DNAH9: variants seen among roughly 807,000 people sequenced by gnomAD.
DNAH9 encodes dynein axonemal heavy chain 9, also known as DNAH9 variant protein.
Under a neutral mutation model 471.6 loss-of-function variants are expected in DNAH9, and 345 were observed. The observed-to-expected ratio is 0.73, with a 90% CI of 0.67 to 0.80. The LOEUF (loss-of-function observed/expected upper bound fraction) is 0.80. Among genes scored for constraint, DNAH9 ranks in the 30% least tolerant of loss-of-function variants. The probability of loss-of-function intolerance (pLI) is 0.00; values close to 1 mark genes in which losing one functional copy is unlikely to be tolerated. For synonymous variants in DNAH9, 2,093 were observed against 2,123.6 expected (o/e 0.99, Z 0.40); for missense variants, 5,407 against 5,609.2 (o/e 0.96, Z 1.15).
chr17:11,813,206 C>T (rs1385348224), intron 45 of DNAH9, among the ~76,000 whole-genome samples: 1 of 151,668 alleles, frequency 6.6e-6, no homozygotes, highest in African/African-American at 2.4e-5. Context: ...GAGTTTTAGG[C>T]CCCATTTTAA....
At chr17:11,723,874 T>C (rs1008376484) in intron 27 of DNAH9, among the ~76,000 whole-genome samples, 2 of 152,104 alleles carry the variant, frequency 1.3e-5, no homozygotes, top group South Asian at 2.1e-4. Context: ...GGTGTCTCAC[T>C]GTGTTAGCCA....
intron 54 of DNAH9, among the ~76,000 whole-genome samples, chr17:11,880,539 C>G (rs1972679262): frequency 6.6e-6 from 1 of 152,164 alleles, no homozygotes; most frequent in African/African-American, 2.4e-5. Context: ...AGCCAGTCAT[C>G]TGAATTCTGA....
intron 49 of DNAH9, among the ~76,000 whole-genome samples, chr17:11,840,274 T>C (rs1183719752): frequency 6.6e-6 from 1 of 152,186 alleles, no homozygotes; most frequent in Non-Finnish European, 1.5e-5. Context: ...AGAAATACAC[T>C]GTATGGTCTC....
rs568881460 is a variant in DNAH9, at chr17:11,843,973, T to A, written c.9507+9075T>A. 7.5e-4 allele frequency among the ~76,000 whole-genome samples: 111 copies of A among 148,480 alleles called. 1 individual carries two copies. Among genetic ancestry groups the A allele is most frequent in the African/African-American group, 2.5e-3 (103 of 40,624 alleles). On this transcript the variant is annotated intron_variant, in intron 49 of 68. Transcript: ENST00000262442. ...TCACACCAGGACATAATGTTTTATC[T>A]CTGGTTAGTAAAATTATGAATCTTG...
At chr17:11,768,188 A>G (rs574476804) in intron 36 of DNAH9, among the ~76,000 whole-genome samples, 1 of 152,224 alleles carries the variant, frequency 6.6e-6, no homozygotes, top group South Asian at 2.1e-4. Context: ...TCCACCCTTC[A>G]GTGGCTGTAA....
intron 43 of DNAH9, among the ~76,000 whole-genome samples, chr17:11,798,067 A>G (rs1299723713): frequency 6.6e-6 from 1 of 152,088 alleles, no homozygotes. Context: ...AACAGACTTG[A>G]GATCATAAAA....
At position 11,738,964 on chromosome 17, in the gene DNAH9, G is replaced by T; in HGVS notation, c.5899G>T (p.Gly1967Cys). 6.2e-7 allele frequency: 1 copy of T among 1,614,040 alleles called. No individual in the cohort carries two copies. Among genetic ancestry groups the T allele is most frequent in the Non-Finnish European group, 8.5e-7 (1 of 1,179,920 alleles). Residue 1967 changes from glycine to cysteine, a missense_variant, in exon 29 of 69, where the codon GGT becomes TGT. Physicochemically the swap from Gly to Cys is radical, Grantham distance 159 (BLOSUM62 -3). Around this residue, in one of 3 missense-constraint regions of DNAH9, gnomAD observed 4,636 missense variants for 4,900.3 expected, o/e 0.95. Coordinates refer to ENST00000262442, the MANE Select transcript of DNAH9 (RefSeq NM_001372.4). ...GGAGATCAGCCTGAATCCTTCTGTCGGTATCTTCATCACCATGAACCCAGG... is the reference window on the plus strand; with the variant it reads ...GGAGATCAGCCTGAATCCTTCTGTCTGTATCTTCATCACCATGAACCCAGG... ...GEEISLNPSV[G>C]IFITMNPGYA...
chr17:11,837,354 G>A (rs931835023), intron 49 of DNAH9, among the ~76,000 whole-genome samples: 1 of 152,180 alleles, frequency 6.6e-6, no homozygotes, highest in African/African-American at 2.4e-5. Context: ...GTATAGCTTG[G>A]TGCAAGTCAC....
intron 1 of DNAH9, among the ~76,000 whole-genome samples, chr17:11,601,627 T>C (rs2072389454): frequency 1.3e-5 from 2 of 152,204 alleles, no homozygotes. Flanking sequence ...TGTCCATCCA[T>C]CTACTTTTAT....
rs1474232310 is a variant in DNAH9 at position 11,894,377 on chromosome 17, C to A, written c.11287C>A (p.Leu3763Ile). 1.2e-6 allele frequency: 2 copies of A among 1,613,926 alleles called. No individual in the cohort carries two copies. The highest frequency in any genetic ancestry group is 1.1e-5 in the South Asian group (1 of 91,086). Residue 3763 changes from leucine to isoleucine, a missense_variant, in exon 59 of 69, where the codon CTC becomes ATC. Around this residue, in one of 3 missense-constraint regions of DNAH9, gnomAD observed 4,636 missense variants for 4,900.3 expected, o/e 0.95. Coordinates refer to ENST00000262442, the MANE Select transcript of DNAH9 (RefSeq NM_001372.4). ...TYLAQLTFQI[L>I]LMNREVNAVE... is the part of the protein sequence containing the mutation. ...GTATCATTTCTCCACATTGCAGATTCTCCTCATGAACCGAGAAGTCAATGC... is the reference window on the plus strand; with the variant it reads ...GTATCATTTCTCCACATTGCAGATTATCCTCATGAACCGAGAAGTCAATGC...
chr17:11,625,337 G>A (rs562691649), intron 6 of DNAH9, among the ~76,000 whole-genome samples: 103 of 152,198 alleles, frequency 6.8e-4, no homozygotes, highest in African/African-American at 2.2e-3. Flanking sequence ...TCCACACCGC[G>A]TTTCCTTTTG....
Position 11,693,910 on chromosome 17 carries a change from C to G in DNAH9, c.4657C>G (p.Leu1553Val). 1 of 1,614,062 alleles carries G rather than the reference C, an allele frequency of 6.2e-7. No homozygotes were observed. The highest frequency in any genetic ancestry group is 8.5e-7 in the Non-Finnish European group (1 of 1,179,952). The stretch of plus-strand genomic sequence containing the variant: ...AGGCATCGACATTGACTTTAAAGAG[C>G]TAGCTTATGATGCCCAGAAAATTCC... ...FEGIDIDFKELAYDAQKIPNV... is the reference protein window; with the variant it reads ...FEGIDIDFKEVAYDAQKIPNV... The change falls in exon 21 of 69, where the codon CTA becomes GTA. Residue 1553 changes from leucine (L) to valine (V), a missense_variant. Leu to Val is a conservative substitution (Grantham distance 32). This residue lies in a region of DNAH9 where 4,636 missense variants were observed against 4,900.3 expected (regional missense o/e 0.95). Transcript: ENST00000262442.
chr17:11,704,998 C>T, intron 25 of DNAH9, 27 bp from the exon 26 acceptor site: 1 of 1,608,716 alleles, frequency 6.2e-7, no homozygotes. Context: ...TATGATTCAC[C>T]CACCTACTCT....
At chr17:11,967,056 T>C (rs921081752) in intron 68 of DNAH9, among the ~76,000 whole-genome samples, 7 of 130,826 alleles carry the variant, frequency 5.4e-5, no homozygotes, top group South Asian at 2.4e-4. Flanking sequence ...AAAAAAAAAG[T>C]AAGCTGGAAT....
At chr17:11,712,687 C>CT (rs1739544101) in intron 26 of DNAH9, among the ~76,000 whole-genome samples, 1 of 152,030 alleles carries the variant, frequency 6.6e-6, no homozygotes, top group Non-Finnish European at 1.5e-5. Context: ...TGTTGAGCAA[C>CT]TTTTCACATG....
chr17:11,673,632 C>T (rs1465262549), intron 17 of DNAH9, among the ~76,000 whole-genome samples: 3 of 149,322 alleles, frequency 2.0e-5, no homozygotes, highest in African/African-American at 4.9e-5. Context: ...TTTCACCTCC[C>T]ATTCTCTCTC....
rs531661016 is a variant in DNAH9, at chr17:11,940,423, A to C, written c.12661-1880A>C. On this transcript the variant is annotated intron_variant, in intron 66 of 68. Coordinates refer to ENST00000262442, the MANE Select transcript of DNAH9 (RefSeq NM_001372.4). The stretch of plus-strand genomic sequence containing the variant: ...TCTTTGTAAATAATGTCCAAATGGA[A>C]GCTCGCTGATATAGAGCTGTTTTTT... 8.5e-5 allele frequency among the ~76,000 whole-genome samples: 13 copies of C among 152,332 alleles called. No individual in the cohort carries two copies. The South Asian group carries it at 2.7e-3, about 32-fold the overall frequency.
intron 6 of DNAH9, among the ~76,000 whole-genome samples, chr17:11,620,334 G>A (rs973221248): frequency 5.3e-5 from 8 of 151,086 alleles, no homozygotes; most frequent in Admixed American, 2.0e-4. Flanking sequence ...TCAACATGGC[G>A]AAATCCTGTC....
Position 11,962,017 on chromosome 17 carries a change from G to C in DNAH9, c.12994G>C (p.Glu4332Gln), listed in dbSNP as rs370864345. ...CCTCCTCAACAGAATCAAGGAGCTAGAGGCTTGGACGGGTGACTTTACAAT... is the reference window on the plus strand; with the variant it reads ...CCTCCTCAACAGAATCAAGGAGCTACAGGCTTGGACGGGTGACTTTACAAT... ...PDLLNRIKEL[E>Q]AWTGDFTMPS... The change falls in exon 68 of 69, where the codon GAG becomes CAG. Residue 4332 changes from glutamate to glutamine, a missense_variant. Glu to Gln is a conservative substitution (Grantham distance 29). Coordinates refer to ENST00000262442, the MANE Select transcript of DNAH9 (RefSeq NM_001372.4). The surrounding 1 kb of genome is among the most constrained non-coding windows in gnomAD (Gnocchi z 4.1). 3.1e-6 allele frequency: 5 copies of C among 1,614,066 alleles called. No homozygotes were observed. In the African/African-American group the frequency reaches 5.3e-5, roughly 17 times the overall value.
Sources: gnomAD v4.1 joint callset for allele counts (sites outside exome capture counted in the v4.1 genomes callset) on GRCh38, gnomAD v4.1.1 for gene constraint, gnomAD v4.1.1 regional missense constraint, Gnocchi (gnomAD v3.1) non-coding constraint, MANE v1.5 for transcripts, NCBI Gene and HGNC (gene_info 2026-07-23, HGNC 2026-07-21) for gene names.